Variants in CHST11 observed in about 807,000 individuals in gnomAD.
CHST11 encodes carbohydrate sulfotransferase 11, also known as C4S-1.
A neutral mutation model predicts 30.4 loss-of-function variants in CHST11; 9 were observed. The observed-to-expected ratio is 0.30, with a 90% CI of 0.18 to 0.52. The LOEUF is 0.52. Among genes scored for constraint, CHST11 ranks in the 20% least tolerant of loss-of-function variants. The pLI, the probability that CHST11 is intolerant of heterozygous loss-of-function variation, is 0.97. For missense variants in CHST11, 348 were observed against 460.6 expected (o/e 0.76, Z 2.24); for synonymous variants, 152 against 187.8 (o/e 0.81, Z 1.56).
chr12:104,678,387 A>G (rs2039762782), intron 2 of CHST11, among the ~76,000 whole-genome samples: 1 of 152,254 alleles, frequency 6.6e-6, no homozygotes, highest in Non-Finnish European at 1.5e-5. Flanking sequence ...CCATAACCCC[A>G]GAGTGAGACA....
At chr12:104,460,302 T>C (rs77025263) in intron 1 of CHST11, among the ~76,000 whole-genome samples, 1,697 of 151,976 alleles carry the variant, frequency 0.011, 52 homozygotes, top group South Asian at 0.086. Flanking sequence ...AATAGAAAAA[T>C]AGTATTGCAA....
intron 2 of CHST11, among the ~76,000 whole-genome samples, chr12:104,637,795 A>C (rs1055600995): frequency 6.6e-6 from 1 of 152,156 alleles, no homozygotes; most frequent in African/African-American, 2.4e-5. Flanking sequence ...ACGTACATGC[A>C]CTTGGTCTGC....
intron 1 of CHST11, among the ~76,000 whole-genome samples, chr12:104,471,174 G>T (rs1219253293): frequency 6.6e-6 from 1 of 152,158 alleles, no homozygotes; most frequent in Non-Finnish European, 1.5e-5. Flanking sequence ...GTGGTACTTT[G>T]TGTGTGTACA....
chr12:104,508,581 T>C (rs985231411), intron 1 of CHST11, among the ~76,000 whole-genome samples: 1 of 152,192 alleles, frequency 6.6e-6, no homozygotes, highest in African/African-American at 2.4e-5. Flanking sequence ...GTGTCAGAAA[T>C]AACAGGGTCA....
chr12:104,519,993 G>A (rs2038060589), intron 1 of CHST11, among the ~76,000 whole-genome samples: 2 of 152,180 alleles, frequency 1.3e-5, no homozygotes, highest in African/African-American at 4.8e-5. Context: ...TAATTTAGGA[G>A]GCACAGCTGT....
chr12:104,663,550 A>G (rs1220046192), intron 2 of CHST11, among the ~76,000 whole-genome samples: 1 of 152,110 alleles, frequency 6.6e-6, no homozygotes, highest in African/African-American at 2.4e-5. Flanking sequence ...TTGTTTGGTA[A>G]CCTGTTTTTA....
intron 1 of CHST11, among the ~76,000 whole-genome samples, chr12:104,470,956 C>A (rs2135954093): frequency 6.6e-6 from 1 of 152,318 alleles, no homozygotes; most frequent in East Asian, 1.9e-4. Context: ...TCAATGATAG[C>A]CCCTTCTCTT....
intron 1 of CHST11, among the ~76,000 whole-genome samples, chr12:104,557,527 G>A (rs1286754290): frequency 2.0e-5 from 3 of 152,134 alleles, no homozygotes; most frequent in East Asian, 1.9e-4. Context: ...AGATAATGAC[G>A]GCCCAGGGGA....
At chr12:104,694,816 A>G (rs1022165807) in intron 2 of CHST11, among the ~76,000 whole-genome samples, 1 of 152,236 alleles carries the variant, frequency 6.6e-6, no homozygotes, top group Non-Finnish European at 1.5e-5. Flanking sequence ...TTCTGGCATC[A>G]GAACTTTATG....
chr12:104,621,442 A>G lies in CHST11; in HGVS notation c.204+19451A>G, dbSNP rs1475113203. On this transcript the variant is annotated intron_variant, in intron 2 of 2. Coordinates refer to ENST00000303694, the MANE Select transcript of CHST11 (RefSeq NM_018413.6). Reference sequence around the variant, plus strand: ...GAATGCCTTGCCCCTTTTCCAAGCAATAAGAATATGTTACCTTATTTGGCA... The same window carrying G: ...GAATGCCTTGCCCCTTTTCCAAGCAGTAAGAATATGTTACCTTATTTGGCA... Among the ~76,000 whole-genome samples the G allele has an allele frequency of 4.6e-5, 7 of 152,362 alleles. 1 individual carries two copies. The highest frequency in any genetic ancestry group is 1.7e-4 in the African/African-American group (7 of 41,588).
At chr12:104,589,171 G>A (rs113610108) in intron 1 of CHST11, among the ~76,000 whole-genome samples, 2,775 of 151,948 alleles carry the variant, frequency 0.018, 85 homozygotes, top group African/African-American at 0.062. Flanking sequence ...AGGCCGAGGT[G>A]GGTGGATTGC....
At chr12:104,626,029 G>A (rs918225585) in intron 2 of CHST11, among the ~76,000 whole-genome samples, 2 of 152,112 alleles carry the variant, frequency 1.3e-5, no homozygotes, top group Non-Finnish European at 2.9e-5. Flanking sequence ...TGAGGAAATC[G>A]AGGCCCAGTG....
chr12:104,593,398 A>G (rs1383958307), intron 1 of CHST11, among the ~76,000 whole-genome samples: 8 of 152,202 alleles, frequency 5.3e-5, no homozygotes, highest in Non-Finnish European at 1.0e-4. Context: ...AAGGAATGGG[A>G]AGTTGGAAAA....
chr12:104,539,620 C>T lies in CHST11; in HGVS notation c.119-62286C>T, dbSNP rs186088584. Among the ~76,000 whole-genome samples the T allele has an allele frequency of 2.3e-3, 347 of 152,272 alleles. 3 individuals are homozygous for T. Among genetic ancestry groups the T allele is most frequent in the African/African-American group, 8.0e-3 (333 of 41,538 alleles). ...CCAGGACACGTTAGGACCCTTGGCA[C>T]TGAGGAGGGATGCAGCTCACACCCC... On this transcript the variant is annotated intron_variant, in intron 1 of 2. Transcript: ENST00000303694.
At chr12:104,738,845 C>G (rs1474473297) in intron 2 of CHST11, among the ~76,000 whole-genome samples, 1 of 152,238 alleles carries the variant, frequency 6.6e-6, no homozygotes. Context: ...TGCTTTCTCC[C>G]TGAAATCATA....
chr12:104,664,597 C>T (rs934104298), intron 2 of CHST11, among the ~76,000 whole-genome samples: 2 of 152,064 alleles, frequency 1.3e-5, no homozygotes, highest in Non-Finnish European at 2.9e-5. Flanking sequence ...GAGCATGCTG[C>T]CCATGCCGGC....
intron 1 of CHST11, among the ~76,000 whole-genome samples, chr12:104,483,545 G>T (rs2037648767): frequency 6.6e-6 from 1 of 152,080 alleles, no homozygotes; most frequent in South Asian, 2.1e-4. Flanking sequence ...CACTCCATTT[G>T]TCCATGCAGC....
chr12:104,464,445 C>G (rs1244027751), intron 1 of CHST11, among the ~76,000 whole-genome samples: 1 of 152,090 alleles, frequency 6.6e-6, no homozygotes, highest in Non-Finnish European at 1.5e-5. Context: ...CCCATCTCCC[C>G]TCTACCACCT....
Position 104,757,958 on chromosome 12 carries a change from G to C in CHST11, c.*155G>C. ...GAGAATTATTTAAAATCCTTCGTAG[G>C]GAAGGACAGCTGTCTTTGCAGGGGA... On this transcript the variant is annotated 3_prime_UTR_variant, in exon 3 of 3. Transcript: ENST00000303694. The surrounding 1 kb of genome is among the most constrained non-coding windows in gnomAD (Gnocchi z 6.5). 2 of 826,292 alleles carry C rather than the reference G, an allele frequency of 2.4e-6. No homozygotes were observed. The highest frequency in any genetic ancestry group is 3.7e-6 in the Non-Finnish European group (2 of 546,104). The allele number at this position is 826,292 out of a possible 1,614,324, so 51.2% of individuals were successfully genotyped here. A position where few individuals can be genotyped will look rare whatever the true frequency, so the allele number is the denominator to read the frequency against.
Sources: allele counts gnomAD v4.1 joint callset (sites outside exome capture counted in the v4.1 genomes callset), GRCh38; gene constraint gnomAD v4.1.1; non-coding constraint Gnocchi (gnomAD v3.1); transcripts MANE v1.5; gene names NCBI Gene and HGNC (gene_info 2026-07-23, HGNC 2026-07-21).